Variants in STIM1 observed in about 807,000 individuals in gnomAD.
STIM1 encodes the protein stromal interaction molecule 1.
In STIM1, 25 loss-of-function variants were observed where a neutral mutation model predicts 74.7. That is an observed-to-expected ratio of 0.33 (90% CI 0.24 to 0.47). The LOEUF (loss-of-function observed/expected upper bound fraction) is 0.47. Among genes scored for constraint, STIM1 ranks in the 20% least tolerant of loss-of-function variants. STIM1 has a pLI of 1.00. For synonymous variants in STIM1, 328 were observed against 348.8 expected, an observed-to-expected ratio of 0.94 and a Z score of 0.66; for missense variants, 728 against 920.8, an observed-to-expected ratio of 0.79 and a Z score of 2.71.
rs1554953053 is a variant in STIM1 at position 3,884,781 on chromosome 11, C to CA, written c.139+28385dup. ...TGGGTGACAGAGCCAGACCCCATCT[C>CA]AAAAAAAAAAAAAGGGGTATGTTTG... On this transcript the variant is annotated intron_variant, in intron 1 of 12. Coordinates refer to ENST00000526596, the MANE Select transcript of STIM1 (RefSeq NM_001382567.1). 1.8e-3 allele frequency among the ~76,000 whole-genome samples: 205 copies of CA among 116,154 alleles called. 1 individual carries two copies. The highest frequency in any genetic ancestry group is 3.0e-3 in the African/African-American group (98 of 33,140). 76.2% of individuals were successfully genotyped at this position (116,154 alleles called of 152,430 possible). A position where few individuals can be genotyped will look rare whatever the true frequency, so the allele number is the denominator to read the frequency against.
intron 2 of STIM1, among the ~76,000 whole-genome samples, chr11:4,006,784 G>T (rs556212488): frequency 6.6e-6 from 1 of 152,292 alleles, no homozygotes; most frequent in East Asian, 1.9e-4. Context: ...CTGGATGGGG[G>T]TTGGAGAGCA....
At chr11:3,980,628 AC>A (rs1214402674) in intron 2 of STIM1, among the ~76,000 whole-genome samples, 4 of 133,546 alleles carry the variant, frequency 3.0e-5, no homozygotes, top group South Asian at 5.0e-4. Flanking sequence ...AAAAAAAAAA[AC>A]CCACACATTT....
chr11:3,962,274 A>G (rs2093294639), intron 1 of STIM1, among the ~76,000 whole-genome samples: 1 of 152,094 alleles, frequency 6.6e-6, no homozygotes. Flanking sequence ...CACTGCCTCC[A>G]GGGACTCTCC....
At chr11:3,896,396 C>T (rs540452287) in intron 1 of STIM1, among the ~76,000 whole-genome samples, 1 of 152,336 alleles carries the variant, frequency 6.6e-6, no homozygotes, top group Admixed American at 6.5e-5. Flanking sequence ...TACTCACGAT[C>T]ATAGAGCTAA....
intron 1 of STIM1, among the ~76,000 whole-genome samples, chr11:3,928,146 C>G (rs1277624221): frequency 6.6e-6 from 1 of 152,018 alleles, no homozygotes; most frequent in African/African-American, 2.4e-5. Flanking sequence ...TCTCAGCTTT[C>G]ATGGTTGACT....
At chr11:3,933,197 T>C (rs182273272) in intron 1 of STIM1, among the ~76,000 whole-genome samples, 1 of 152,344 alleles carries the variant, frequency 6.6e-6, no homozygotes, top group Admixed American at 6.5e-5. Context: ...GCCTAAGTCC[T>C]AGGTGTGTTG....
At chr11:4,060,089 A>C (rs2094320253) in intron 5 of STIM1, among the ~76,000 whole-genome samples, 1 of 152,214 alleles carries the variant, frequency 6.6e-6, no homozygotes, top group Non-Finnish European at 1.5e-5. Flanking sequence ...AGCAGTAGAC[A>C]CACTCAGGCC....
At chr11:4,000,565 C>A (rs1441601647) in intron 2 of STIM1, among the ~76,000 whole-genome samples, 1 of 151,650 alleles carries the variant, frequency 6.6e-6, no homozygotes. Flanking sequence ...GAAAGGACAT[C>A]CACACCAAAA....
chr11:3,994,774 A>G (rs1421817334), intron 2 of STIM1, among the ~76,000 whole-genome samples: 1 of 151,884 alleles, frequency 6.6e-6, no homozygotes, highest in East Asian at 1.9e-4. Context: ...TGGTATTCAT[A>G]TATTGGTGTG....
At chr11:3,923,168 T>A (rs1360806554) in intron 1 of STIM1, among the ~76,000 whole-genome samples, 1 of 151,908 alleles carries the variant, frequency 6.6e-6, no homozygotes, top group Admixed American at 6.5e-5. Flanking sequence ...TAATTTTTTT[T>A]ATCTAAAAGT....
chr11:3,944,739 C>T (rs2093051814), intron 1 of STIM1, among the ~76,000 whole-genome samples: 1 of 152,166 alleles, frequency 6.6e-6, no homozygotes, highest in African/African-American at 2.4e-5. Flanking sequence ...TAGTGAGCAT[C>T]GGTGAGCTGT....
intron 1 of STIM1, among the ~76,000 whole-genome samples, chr11:3,917,913 G>A (rs1161080193): frequency 6.6e-6 from 1 of 152,212 alleles, no homozygotes; most frequent in Non-Finnish European, 1.5e-5. Context: ...TGACTAGATA[G>A]TTGATTTTCA....
rs552282601 is a variant in STIM1 at position 3,919,871 on chromosome 11, G to C, written c.140-47681G>C. ...AGTGGGAGGATCCCTTTAGTCCAAG[G>C]GTTCAAGACCAGCCTGGACAACATA... On this transcript the variant is annotated intron_variant, in intron 1 of 12. Coordinates refer to ENST00000526596, the MANE Select transcript of STIM1 (RefSeq NM_001382567.1). Among the ~76,000 whole-genome samples the C allele has an allele frequency of 2.6e-5, 4 of 152,156 alleles. No individual in the cohort carries two copies. In the East Asian group the frequency reaches 5.8e-4, roughly 22 times the overall value.
chr11:3,891,297 G>GTT (rs60284384), intron 1 of STIM1, among the ~76,000 whole-genome samples: 43,860 of 148,138 alleles, frequency 0.3, 7,357 homozygotes, highest in African/African-American at 0.46. Context: ...TATTTTTCAT[G>GTT]TTTTTTTTTT....
chr11:4,041,287 C>A (rs1055511787), intron 3 of STIM1, among the ~76,000 whole-genome samples: 1 of 152,118 alleles, frequency 6.6e-6, no homozygotes, highest in Non-Finnish European at 1.5e-5. Flanking sequence ...AGAAGAGAGC[C>A]CTTGAGGCTG....
intron 3 of STIM1, among the ~76,000 whole-genome samples, chr11:4,028,799 G>C (rs1281175017): frequency 1.3e-5 from 2 of 152,152 alleles, no homozygotes; most frequent in Admixed American, 6.5e-5. Context: ...TATGATTGCA[G>C]CTGAAAGCAA....
intron 1 of STIM1, among the ~76,000 whole-genome samples, chr11:3,947,100 G>GTTTTTTTTT (rs57701004): frequency 1.4e-5 from 2 of 139,348 alleles, no homozygotes; most frequent in Non-Finnish European, 1.6e-5. Context: ...CATTCTTAGT[G>GTTTTTTTTT]TTTTTTTTTT....
rs113815367 is a variant in STIM1, at chr11:3,856,210, G to A, written c.-61G>A. 17 of 1,610,820 alleles carry A rather than the reference G, an allele frequency of 1.1e-5. No individual in the cohort carries two copies. In the African/African-American group the frequency reaches 1.1e-4, roughly 10 times the overall value. ...CGTCGGCTGCACTCCCGGGCTCCTGGCTTTGCCTCTGGGATCCCGAGGTGT... is the reference window on the plus strand; with the variant it reads ...CGTCGGCTGCACTCCCGGGCTCCTGACTTTGCCTCTGGGATCCCGAGGTGT... On this transcript the variant is annotated 5_prime_UTR_variant, in exon 1 of 13. Transcript: ENST00000526596.
At chr11:3,967,705 G>T in intron 2 of STIM1, 23 bp downstream of exon 2, 1 of 1,613,992 alleles carries the variant, frequency 6.2e-7, no homozygotes. Flanking sequence ...ATCCTGCTAT[G>T]TCTCTCTTTT....
Sources: allele counts gnomAD v4.1 joint callset (sites outside exome capture counted in the v4.1 genomes callset), GRCh38; gene constraint gnomAD v4.1.1; transcripts MANE v1.5; gene names NCBI Gene and HGNC (gene_info 2026-07-23, HGNC 2026-07-21).